The following CDH1 variants were observed in gnomAD, a reference collection of about 807,000 sequenced individuals.
CDH1 encodes the protein cadherin-1.
CDH1 carries 35 observed loss-of-function variants against 84.5 expected under a neutral mutation model. That is an observed-to-expected ratio of 0.41 (90% CI 0.32 to 0.55). CDH1 has a LOEUF of 0.55. Among genes scored for constraint, CDH1 ranks in the 20% least tolerant of loss-of-function variants. The pLI, the probability that CDH1 is intolerant of heterozygous loss-of-function variation, is 0.19. For missense variants in CDH1, 994 were observed against 1,126.6 expected (o/e 0.88, Z 1.68); for synonymous variants, 417 against 439.0 (o/e 0.95, Z 0.63).
At chr16:68,801,222 C>CTGCCTCAGCCTCCCAAGTGGCTGCAA (rs1289157685) in intron 2 of CDH1, among the ~76,000 whole-genome samples, 1 of 152,178 alleles carries the variant, frequency 6.6e-6, no homozygotes, top group Non-Finnish European at 1.5e-5. Flanking sequence ...AGAGATTCTC[C>CTGCCTCAGCCTCCCAAGTGGCTGCAA]TGCCTCAGCC....
At chr16:68,808,891 AC>A (rs749433865) in intron 5 of CDH1, 43 bp downstream of exon 5, 1 of 1,607,946 alleles carries the variant, frequency 6.2e-7, no homozygotes. Flanking sequence ...GGTAACATCC[AC>A]CCAGGATTTT....
Position 68,834,448 on chromosome 16 carries a change from C to A in CDH1, c.*949C>A. On this transcript the variant is annotated 3_prime_UTR_variant, in exon 16 of 16. Coordinates refer to ENST00000261769, the MANE Select transcript of CDH1 (RefSeq NM_004360.5). ...CCCAAGCTGGTCTTAAACTCCTGGCCTCAAGCAATCCTTCTGCCTTGGCCC... is the reference window on the plus strand; with the variant it reads ...CCCAAGCTGGTCTTAAACTCCTGGCATCAAGCAATCCTTCTGCCTTGGCCC... 1 of 328,236 alleles carries A rather than the reference C, an allele frequency of 3.0e-6. No homozygotes were observed. The highest frequency in any genetic ancestry group is 5.9e-6 in the Non-Finnish European group (1 of 168,802). 20.3% of individuals were successfully genotyped at this position (328,236 alleles called of 1,614,324 possible). A position where few individuals can be genotyped will look rare whatever the true frequency, so the allele number is the denominator to read the frequency against.
chr16:68,745,886 C>T (rs1026169519), intron 2 of CDH1, among the ~76,000 whole-genome samples: 1 of 152,120 alleles, frequency 6.6e-6, no homozygotes, highest in Admixed American at 6.5e-5. Context: ...GACACGATCT[C>T]AGTTCACTGC....
At chr16:68,739,676 G>A (rs1338296992) in intron 2 of CDH1, among the ~76,000 whole-genome samples, 9 of 144,982 alleles carry the variant, frequency 6.2e-5, no homozygotes, top group East Asian at 6.2e-4. Context: ...GTGTAATGGC[G>A]TGATCTCGGC....
At position 68,833,537 on chromosome 16, in the gene CDH1, G is replaced by A. The variant is rs746685501; in HGVS notation, c.*38G>A. 9 of 1,538,034 alleles carry A rather than the reference G, an allele frequency of 5.9e-6. No individual in the cohort carries two copies. The highest frequency in any genetic ancestry group is 1.4e-5 in the African/African-American group (1 of 73,552). On this transcript the variant is annotated 3_prime_UTR_variant, in exon 16 of 16. Coordinates refer to ENST00000261769, the MANE Select transcript of CDH1 (RefSeq NM_004360.5). ...AGGCGGGCCCCAGACCCATGTGCTG[G>A]GAAATGCAGAAATCACGTTGCTGGT...
chr16:68,772,197 C>T (rs1033656090), intron 2 of CDH1, among the ~76,000 whole-genome samples: 23 of 152,204 alleles, frequency 1.5e-4, no homozygotes, highest in Non-Finnish European at 3.2e-4. Flanking sequence ...ACACAACGGC[C>T]AATCGCATAT....
Position 68,819,482 on chromosome 16 carries a change from T to C in CDH1, c.1711+57T>C, listed in dbSNP as rs759255411. ...TCGACCTCCTAGCTAGTTCAGTTCC[T>C]TGCCCCTCCCTTCTTTTGGAGGGAA... On this transcript the variant is annotated intron_variant, in intron 11 of 15. Transcript: ENST00000261769. 2.3e-5 allele frequency: 35 copies of C among 1,548,686 alleles called. No homozygotes were observed. The Admixed American group carries it at 3.2e-4, about 14-fold the overall frequency.
At chr16:68,749,595 G>A (rs893245644) in intron 2 of CDH1, among the ~76,000 whole-genome samples, 1 of 152,220 alleles carries the variant, frequency 6.6e-6, no homozygotes, top group Non-Finnish European at 1.5e-5. Flanking sequence ...GGTCCTGCCA[G>A]TGACCTTGCA....
intron 2 of CDH1, among the ~76,000 whole-genome samples, chr16:68,759,616 A>C (rs1567481980): frequency 6.6e-6 from 1 of 151,644 alleles, no homozygotes; most frequent in South Asian, 2.1e-4. Context: ...CAGCCTCCCA[A>C]GTAGCTGGGA....
rs876658750 is a variant in CDH1, at chr16:68,815,637, T to C, written c.1443T>C (p.Asn481=). The change falls in exon 10 of 16, where the codon AAT becomes AAC. Residue 481 remains asparagine (N), a synonymous_variant. Coordinates refer to ENST00000261769, the MANE Select transcript of CDH1 (RefSeq NM_004360.5). The part of the protein sequence containing the change: ...ATVTVDVLDV[N]EAPIFVPPEK... ...TCACCGTGGATGTGCTGGATGTGAA[T>C]GAAGCCCCCATCTTTGTGCCTCCTG... 6.2e-7 allele frequency: 1 copy of C among 1,614,218 alleles called. No homozygotes were observed. The highest frequency in any genetic ancestry group is 1.1e-5 in the South Asian group (1 of 91,086).
chr16:68,771,637 A>G (rs1377975797), intron 2 of CDH1, among the ~76,000 whole-genome samples: 1 of 151,984 alleles, frequency 6.6e-6, no homozygotes, highest in African/African-American at 2.4e-5. Context: ...CTGTAGTCCC[A>G]GCTACTAGGG....
intron 15 of CDH1, among the ~76,000 whole-genome samples, chr16:68,832,307 G>C (rs1315178685): frequency 6.7e-6 from 1 of 150,024 alleles, no homozygotes; most frequent in South Asian, 2.1e-4. Flanking sequence ...TTTTAAGTAT[G>C]CTTGCTATTT....
Position 68,833,579 on chromosome 16 carries a change from TC to T in CDH1, c.*83del. The T allele has an allele frequency of 9.2e-7, 1 of 1,085,020 alleles. No homozygotes were observed. The highest frequency in any genetic ancestry group is 2.4e-5 in the East Asian group (1 of 42,504). 67.2% of individuals were successfully genotyped at this position (1,085,020 alleles called of 1,614,324 possible). ...GTTGCTGGTGGTTTTTCAGCTCCCTTCCCTTGAGATGAGTTTCTGGGGAAAA... is the reference window on the plus strand; with the variant it reads ...GTTGCTGGTGGTTTTTCAGCTCCCTTCCTTGAGATGAGTTTCTGGGGAAAA... On this transcript the variant is annotated 3_prime_UTR_variant, in exon 16 of 16. Transcript: ENST00000261769.
In CDH1 at chr16:68,808,814, A is replaced by G. The variant is rs878854693; in HGVS notation, c.653A>G (p.Glu218Gly). 3 of 1,614,158 alleles carry G rather than the reference A, an allele frequency of 1.9e-6. No homozygotes were observed. The highest frequency in any genetic ancestry group is 2.5e-6 in the Non-Finnish European group (3 of 1,180,000). Residue 218 changes from glutamate to glycine, a missense_variant, in exon 5 of 16, where the codon GAG becomes GGG. This residue lies in a region of CDH1 where 769 missense variants were observed against 881.8 expected (regional missense o/e 0.87). Coordinates refer to ENST00000261769, the MANE Select transcript of CDH1 (RefSeq NM_004360.5). ...ERETGWLKVT[E>G]PLDRERIATY... ...GAAACAGGATGGCTGAAGGTGACAG[A>G]GCCTCTGGATAGAGAACGCATTGCC...
At chr16:68,758,521 G>C (rs74781339) in intron 2 of CDH1, among the ~76,000 whole-genome samples, 2 of 151,772 alleles carry the variant, frequency 1.3e-5, no homozygotes, top group African/African-American at 4.8e-5. Context: ...TGGGAGTTTC[G>C]AGGCTGCAGT....
chr16:68,788,702 TAAG>T (rs989837165), intron 2 of CDH1, among the ~76,000 whole-genome samples: 7 of 152,062 alleles, frequency 4.6e-5, no homozygotes, highest in Non-Finnish European at 8.8e-5. Flanking sequence ...AAATGTGAAA[TAAG>T]AAGAAAGTTG....
At chr16:68,784,712 C>T (rs1290132061) in intron 2 of CDH1, among the ~76,000 whole-genome samples, 1 of 152,140 alleles carries the variant, frequency 6.6e-6, no homozygotes, top group Admixed American at 6.5e-5. Flanking sequence ...TTTGGATCCT[C>T]ATAGCTTAGC....
intron 2 of CDH1, among the ~76,000 whole-genome samples, chr16:68,754,199 G>A (rs1962963390): frequency 6.6e-6 from 1 of 151,720 alleles, no homozygotes; most frequent in Non-Finnish European, 1.5e-5. Context: ...GAGGTGGGAG[G>A]ATCCCTTGAG....
chr16:68,788,778 CA>C (rs1366394652), intron 2 of CDH1, among the ~76,000 whole-genome samples: 1 of 151,990 alleles, frequency 6.6e-6, no homozygotes, highest in Non-Finnish European at 1.5e-5. Flanking sequence ...ACGGGTGGAT[CA>C]CAAGATCAGG....
Sources: gnomAD v4.1 joint callset for allele counts (sites outside exome capture counted in the v4.1 genomes callset) on GRCh38, gnomAD v4.1.1 for gene constraint, gnomAD v4.1.1 regional missense constraint, MANE v1.5 for transcripts, NCBI Gene and HGNC (gene_info 2026-07-23, HGNC 2026-07-21) for gene names.